The following PRRT1 variants were observed in gnomAD, a reference collection of about 807,000 sequenced individuals.
The protein encoded by PRRT1 is proline-rich transmembrane protein 1.
A neutral mutation model predicts 22.6 loss-of-function variants in PRRT1; 8 were observed. The observed-to-expected ratio is 0.35, with a 90% confidence interval of 0.21 to 0.64. The LOEUF is 0.64. Among genes scored for constraint, PRRT1 ranks in the 30% least tolerant of loss-of-function variants. The pLI is 0.69. For synonymous variants in PRRT1, 176 were observed against 203.6 expected, an observed-to-expected ratio of 0.86 and a Z score of 1.15; for missense variants, 315 against 444.5, an observed-to-expected ratio of 0.71 and a Z score of 2.62.
rs921247387 is a variant in PRRT1, at chr6:32,148,749, GA to G, written c.*472del. 2 of 466,000 alleles carry G rather than the reference GA, an allele frequency of 4.3e-6. No homozygotes were observed. Among genetic ancestry groups the G allele is most frequent in the African/African-American group, 4.0e-5 (2 of 50,546 alleles). 28.9% of individuals were successfully genotyped at this position (466,000 alleles called of 1,614,324 possible). A position where few individuals can be genotyped will look rare whatever the true frequency, so the allele number is the denominator to read the frequency against. Reference sequence around the variant, plus strand: ...CTCGGTCCTTTTGCCGGAAGAAAGGGAGGGGTCTGTCCGTCTGTGGGCGAGG... The same window carrying G: ...CTCGGTCCTTTTGCCGGAAGAAAGGGGGGGTCTGTCCGTCTGTGGGCGAGG... On this transcript the variant is annotated 3_prime_UTR_variant, in exon 4 of 4. Coordinates refer to ENST00000211413, the MANE Select transcript of PRRT1 (RefSeq NM_030651.4). The surrounding 1 kb of genome is among the most constrained non-coding windows in gnomAD (Gnocchi z 5.7).
rs775530006 is a variant in PRRT1, at chr6:32,150,669, T to TG, written c.256dup (p.His86ProfsTer392). Reference sequence around the variant, plus strand: ...GGCAGCAGGGCCGGGAGGGGCGTGGTGGGGGGGCCTCGGCAGCGTGGCAGA... The same window carrying TG: ...GGCAGCAGGGCCGGGAGGGGCGTGGTGGGGGGGGCCTCGGCAGCGTGGCAGA... On this transcript the variant is annotated frameshift_variant, in exon 2 of 4. Coordinates refer to ENST00000211413, the MANE Select transcript of PRRT1 (RefSeq NM_030651.4). LOFTEE classifies it high-confidence loss of function. This position sits in a 1 kb window ranked among gnomAD's most constrained non-coding sequence, Gnocchi z 7.2. 3.0e-6 allele frequency: 4 copies of TG among 1,343,248 alleles called. No individual in the cohort carries two copies. Among genetic ancestry groups the TG allele is most frequent in the Admixed American group, 3.4e-5 (1 of 29,604 alleles). The allele number at this position is 1,343,248 out of a possible 1,614,324, so 83.2% of individuals were successfully genotyped here.
chr6:32,150,035 C>T lies in PRRT1; in HGVS notation c.559-313G>A, dbSNP rs537306649. Among the ~76,000 whole-genome samples the T allele has an allele frequency of 6.6e-6, 1 of 152,006 alleles. No individual in the cohort carries two copies. The highest frequency in any genetic ancestry group is 2.1e-4 in the South Asian group (1 of 4,818). On this transcript the variant is annotated intron_variant, in intron 2 of 3. Transcript: ENST00000211413. The surrounding 1 kb of genome is among the most constrained non-coding windows in gnomAD (Gnocchi z 7.2). ...GACACCTACCAGGCCTCCCCTACCC[C>T]CTTAGTCCCAGGCTTCTCCCACATC... is the stretch of plus-strand genomic sequence containing the variant.
In PRRT1 at chr6:32,149,142, G is replaced by A. The variant is rs764047606; in HGVS notation, c.*80C>T. On this transcript the variant is annotated 3_prime_UTR_variant, in exon 4 of 4. Transcript: ENST00000211413. The surrounding 1 kb of genome is among the most constrained non-coding windows in gnomAD (Gnocchi z 8.7). ...GGCCCCAGAAACGGGTGTGCAGGGC[G>A]CCCATTGGGTCCGCGGTATGACTGC... 3.5e-6 allele frequency: 5 copies of A among 1,437,056 alleles called. No individual in the cohort carries two copies. Among genetic ancestry groups the A allele is most frequent in the Non-Finnish European group, 3.9e-6 (4 of 1,033,288 alleles). 89.0% of individuals were successfully genotyped at this position (1,437,056 alleles called of 1,614,324 possible).
chr6:32,149,421 G>A lies in PRRT1; in HGVS notation c.745-23C>T. 1 of 1,593,874 alleles carries A rather than the reference G, an allele frequency of 6.3e-7. No homozygotes were observed. The highest frequency in any genetic ancestry group is 8.6e-7 in the Non-Finnish European group (1 of 1,166,834). ...CACCTACGGAGGAGGGGTGGGGGAA[G>A]GAGGTCAAAGAGCTGCGGCCTCGTT... On this transcript the variant is annotated intron_variant, in intron 3 of 3. Transcript: ENST00000211413. The surrounding 1 kb of genome is among the most constrained non-coding windows in gnomAD (Gnocchi z 8.7).
In PRRT1 at chr6:32,148,686, GC is replaced by G. The variant is rs1265436564; in HGVS notation, c.*535del. On this transcript the variant is annotated 3_prime_UTR_variant, in exon 4 of 4. Coordinates refer to ENST00000211413, the MANE Select transcript of PRRT1 (RefSeq NM_030651.4). This position sits in a 1 kb window ranked among gnomAD's most constrained non-coding sequence, Gnocchi z 5.7. ...GTGGAGGAGGGACAAAAATGTACTT[GC>G]AAAAAACAGGAGTGTGGGGGCCTTA... 1 of 405,904 alleles carries G rather than the reference GC, an allele frequency of 2.5e-6. No individual in the cohort carries two copies. Among genetic ancestry groups the G allele is most frequent in the Non-Finnish European group, 5.0e-6 (1 of 200,752 alleles). The allele number at this position is 405,904 out of a possible 1,614,324, so 25.1% of individuals were successfully genotyped here. A position where few individuals can be genotyped will look rare whatever the true frequency, so the allele number is the denominator to read the frequency against.
intron 1 of PRRT1, chr6:32,151,591 A>G: frequency 3.4e-6 from 2 of 589,734 alleles, no homozygotes; most frequent in South Asian, 4.0e-5. Context: ...CCCCCTGACC[A>G]TGTTGTTGGC....
intron 1 of PRRT1, chr6:32,151,113 A>C: frequency 1.4e-6 from 1 of 703,514 alleles, no homozygotes; most frequent in Non-Finnish European, 2.6e-6. Flanking sequence ...TCTTCCTTCC[A>C]ATCTAGTTTT....
In PRRT1 at chr6:32,150,088, C is replaced by A. The variant is rs1053097584; in HGVS notation, c.558+280G>T. Among the ~76,000 whole-genome samples the A allele has an allele frequency of 6.6e-6, 1 of 152,020 alleles. No homozygotes were observed. The highest frequency in any genetic ancestry group is 1.5e-5 in the Non-Finnish European group (1 of 67,996). ...TCTTGGTTCCCAGCTTCCATTCCCC[C>A]CGTCCCCCGCCAGGCGGTTTCCTAC... On this transcript the variant is annotated intron_variant, in intron 2 of 3. Transcript: ENST00000211413. The surrounding 1 kb of genome is among the most constrained non-coding windows in gnomAD (Gnocchi z 7.2).
upstream of PRRT1, chr6:32,153,047 C>G (rs1783446446): frequency 1.1e-5 from 2 of 180,934 alleles, no homozygotes; most frequent in Non-Finnish European, 2.4e-5. The surrounding 1 kb of genome is among the most constrained non-coding windows in gnomAD (Gnocchi z 4.4). Flanking sequence ...TACAGAGGCT[C>G]TCGCTGAAAC....
Position 32,149,485 on chromosome 6 carries a change from G to T in PRRT1, c.744+52C>A. On this transcript the variant is annotated intron_variant, in intron 3 of 3. Coordinates refer to ENST00000211413, the MANE Select transcript of PRRT1 (RefSeq NM_030651.4). The surrounding 1 kb of genome is among the most constrained non-coding windows in gnomAD (Gnocchi z 8.7). ...CTTTCTCTAAGATGGTCCCCAGAAC[G>T]CCCAGAACTCCCTGTCCCCGCCCCC... 1 of 1,607,010 alleles carries T rather than the reference G, an allele frequency of 6.2e-7. No individual in the cohort carries two copies. The highest frequency in any genetic ancestry group is 8.5e-7 in the Non-Finnish European group (1 of 1,176,422).
upstream of PRRT1, chr6:32,151,998 G>GGGGGGGGGGT: frequency 2.7e-6 from 1 of 376,818 alleles, no homozygotes; most frequent in Admixed American, 2.8e-5. Flanking sequence ...CGGGGAGGGG[G>GGGGGGGGGGT]GGAGCTTAAA....
chr6:32,150,994 G>T lies in PRRT1; in HGVS notation c.20-88C>A. The T allele has an allele frequency of 1.9e-6, 2 of 1,073,154 alleles. No individual in the cohort carries two copies. Among genetic ancestry groups the T allele is most frequent in the Non-Finnish European group, 2.8e-6 (2 of 722,852 alleles). 66.5% of individuals were successfully genotyped at this position (1,073,154 alleles called of 1,614,324 possible). On this transcript the variant is annotated intron_variant, in intron 1 of 3. Transcript: ENST00000211413. This position sits in a 1 kb window ranked among gnomAD's most constrained non-coding sequence, Gnocchi z 7.2. ...GGGTAAGGGGAAACACAGCCGGTCAGGGATGGAGAAAGATAATGGGAGAGA... is the reference window on the plus strand; with the variant it reads ...GGGTAAGGGGAAACACAGCCGGTCATGGATGGAGAAAGATAATGGGAGAGA...
At chr6:32,151,998 GGGAGCTTAAAGGGACCGAGGCGAGGGA>G, upstream of PRRT1, 1 of 376,818 alleles carries the variant, frequency 2.7e-6, no homozygotes, top group Non-Finnish European at 5.3e-6. Flanking sequence ...CGGGGAGGGG[GGGAGCTTAAAGGGACCGAGGCGAGGGA>G]GGGGGAGCGC....
rs1234631394 is a variant in PRRT1, at chr6:32,150,965, G to A, written c.20-59C>T. On this transcript the variant is annotated intron_variant, in intron 1 of 3. Coordinates refer to ENST00000211413, the MANE Select transcript of PRRT1 (RefSeq NM_030651.4). The surrounding 1 kb of genome is among the most constrained non-coding windows in gnomAD (Gnocchi z 7.2). Reference sequence around the variant, plus strand: ...AAAGATGACACAGTGATGAGTTGAGGAGGGGGTAAGGGGAAACACAGCCGG... The same window carrying A: ...AAAGATGACACAGTGATGAGTTGAGAAGGGGGTAAGGGGAAACACAGCCGG... 7.2e-7 allele frequency: 1 copy of A among 1,385,718 alleles called. No individual in the cohort carries two copies. 85.8% of individuals were successfully genotyped at this position (1,385,718 alleles called of 1,614,324 possible). A position where few individuals can be genotyped will look rare whatever the true frequency, so the allele number is the denominator to read the frequency against.
Sources: allele counts gnomAD v4.1 joint callset (sites outside exome capture counted in the v4.1 genomes callset), GRCh38; gene constraint gnomAD v4.1.1; non-coding constraint Gnocchi (gnomAD v3.1); transcripts MANE v1.5; gene names NCBI Gene and HGNC (gene_info 2026-07-23, HGNC 2026-07-21).